Variants in SDK1 observed in about 807,000 individuals in gnomAD.
SDK1 encodes protein sidekick-1.
SDK1 carries 157 observed loss-of-function variants against 245.5 expected under a neutral mutation model. That is an observed-to-expected ratio of 0.64 (90% CI 0.56 to 0.73). SDK1 has a LOEUF of 0.73. Among genes scored for constraint, SDK1 ranks in the 30% least tolerant of loss-of-function variants. The probability of loss-of-function intolerance (pLI) is 0.00; values close to 1 mark genes in which losing one functional copy is unlikely to be tolerated. For missense variants in SDK1, 3,583 were observed against 3,002.3 expected, an observed-to-expected ratio of 1.19 and a Z score of -4.52; for synonymous variants, 1,647 against 1,278.5, an observed-to-expected ratio of 1.29 and a Z score of -6.15.
chr7:4,121,593 A>G (rs1784069319), intron 25 of SDK1, among the ~76,000 whole-genome samples: 1 of 152,066 alleles, frequency 6.6e-6, no homozygotes, highest in African/African-American at 2.4e-5. Context: ...TTTATAAACT[A>G]CCCAGTATTG....
At chr7:3,391,077 C>T (rs1781737018) in intron 1 of SDK1, among the ~76,000 whole-genome samples, 1 of 151,986 alleles carries the variant, frequency 6.6e-6, no homozygotes, top group Admixed American at 6.6e-5. Flanking sequence ...CCTTTTATAC[C>T]AGGTCACATT....
In SDK1 at chr7:4,060,611, A is replaced by G. The variant is rs1231865434; in HGVS notation, c.2912-7227A>G. Among the ~76,000 whole-genome samples, 11 of 152,042 alleles carry G rather than the reference A, an allele frequency of 7.2e-5. No individual in the cohort carries two copies. In the South Asian group the frequency reaches 2.3e-3, roughly 32 times the overall value. On this transcript the variant is annotated intron_variant, in intron 19 of 44. Coordinates refer to ENST00000404826, the MANE Select transcript of SDK1 (RefSeq NM_152744.4). The stretch of plus-strand genomic sequence containing the variant: ...TAGGTTGCCTGTTCACTCTGATGGT[A>G]GTTTCTTTTGCTGTGCAGAAGCTCT...
intron 4 of SDK1, among the ~76,000 whole-genome samples, chr7:3,820,201 G>A (rs1583447874): frequency 6.6e-6 from 1 of 152,124 alleles, no homozygotes; most frequent in African/African-American, 2.4e-5. Flanking sequence ...CCAGGCTGGG[G>A]TGTGGCGGCG....
At chr7:3,628,852 C>A (rs956278337) in intron 2 of SDK1, among the ~76,000 whole-genome samples, 3 of 152,160 alleles carry the variant, frequency 2.0e-5, no homozygotes, top group African/African-American at 7.2e-5. Context: ...TATGTTTGCC[C>A]TCTGCTTACT....
rs183815024 is a variant in SDK1, at chr7:3,316,740, C to T, written c.298+14856C>T. On this transcript the variant is annotated intron_variant, in intron 1 of 44. Transcript: ENST00000404826. ...TATGGAGCTCTACAAATCACTGCAG[C>T]GTGGAACTGGTTCTTGCCCATCCCG... 3.5e-4 allele frequency among the ~76,000 whole-genome samples: 54 copies of T among 152,224 alleles called. 1 individual carries two copies. The East Asian group carries it at 6.9e-3, about 20-fold the overall frequency.
chr7:3,834,601 C>T (rs1350109574), intron 5 of SDK1, among the ~76,000 whole-genome samples: 4 of 152,170 alleles, frequency 2.6e-5, no homozygotes, highest in Non-Finnish European at 5.9e-5. Context: ...CTGCCATAAC[C>T]ACCGTCCTTT....
chr7:4,125,504 T>C lies in SDK1; in HGVS notation c.3824-1877T>C, dbSNP rs531258063. Among the ~76,000 whole-genome samples the C allele has an allele frequency of 1.1e-4, 17 of 151,450 alleles. No homozygotes were observed. The South Asian group carries it at 3.6e-3, about 32-fold the overall frequency. On this transcript the variant is annotated intron_variant, in intron 25 of 44. Coordinates refer to ENST00000404826, the MANE Select transcript of SDK1 (RefSeq NM_152744.4). ...ATGGATTGATTGATGGATGGATGGA[T>C]GGATGGATGGAGATGGATGGATGGT...
intron 5 of SDK1, among the ~76,000 whole-genome samples, chr7:3,943,147 G>A (rs1029447700): frequency 6.6e-6 from 1 of 152,146 alleles, no homozygotes; most frequent in Non-Finnish European, 1.5e-5. Context: ...TGCTCTCTCC[G>A]ATATTCTGGA....
intron 1 of SDK1, among the ~76,000 whole-genome samples, chr7:3,416,460 G>A (rs1028915188): frequency 2.2e-5 from 3 of 133,744 alleles, no homozygotes; most frequent in Non-Finnish European, 4.7e-5. Flanking sequence ...CATGGCTTTC[G>A]TTCTTTTTTT....
At chr7:3,853,146 G>GA (rs111391620) in intron 5 of SDK1, among the ~76,000 whole-genome samples, 4,361 of 146,472 alleles carry the variant, frequency 0.03, 220 homozygotes, top group African/African-American at 0.1. Context: ...ACACTTGGTT[G>GA]AAAAAAAAAA....
At chr7:3,370,025 A>G (rs1187608998) in intron 1 of SDK1, among the ~76,000 whole-genome samples, 2 of 152,244 alleles carry the variant, frequency 1.3e-5, no homozygotes, top group Non-Finnish European at 2.9e-5. Flanking sequence ...TTTAAAATGT[A>G]TCATTACTGT....
At chr7:3,809,707 G>T (rs1465490793) in intron 4 of SDK1, among the ~76,000 whole-genome samples, 1 of 152,192 alleles carries the variant, frequency 6.6e-6, no homozygotes, top group Non-Finnish European at 1.5e-5. Context: ...AGCGGCTGCT[G>T]CGTATGCTTG....
intron 4 of SDK1, among the ~76,000 whole-genome samples, chr7:3,800,856 C>T (rs897194729): frequency 3.9e-5 from 6 of 152,108 alleles, no homozygotes; most frequent in Admixed American, 1.3e-4. Flanking sequence ...ATTGGAAGCC[C>T]GGGTATACCA....
chr7:3,678,378 CA>C (rs1783974866), intron 4 of SDK1, among the ~76,000 whole-genome samples: 1 of 152,216 alleles, frequency 6.6e-6, no homozygotes, highest in South Asian at 2.1e-4. Context: ...AAGTGTCCAT[CA>C]GCAGATGAAT....
rs151217632 is a variant in SDK1 at position 4,098,969 on chromosome 7, G to A, written c.3325-11694G>A. On this transcript the variant is annotated intron_variant, in intron 22 of 44. Coordinates refer to ENST00000404826, the MANE Select transcript of SDK1 (RefSeq NM_152744.4). Reference sequence around the variant, plus strand: ...ATTACAGGTGTGAGCTACTGTGCCCGGCCACAAATGTAGTCTAAATTTTGG... The same window carrying A: ...ATTACAGGTGTGAGCTACTGTGCCCAGCCACAAATGTAGTCTAAATTTTGG... 6.7e-3 allele frequency among the ~76,000 whole-genome samples: 1,021 copies of A among 151,348 alleles called. 11 individuals are homozygous for A. Among genetic ancestry groups the A allele is most frequent in the African/African-American group, 0.012 (513 of 41,230 alleles).
At chr7:4,139,475 G>GTA (rs1184977372) in intron 28 of SDK1, among the ~76,000 whole-genome samples, 6 of 135,116 alleles carry the variant, frequency 4.4e-5, no homozygotes, top group Non-Finnish European at 7.6e-5. Flanking sequence ...ATATGTGTGT[G>GTA]TATATGTGTG....
chr7:3,611,494 G>T (rs1781586935), intron 1 of SDK1, among the ~76,000 whole-genome samples: 1 of 152,126 alleles, frequency 6.6e-6, no homozygotes, highest in Admixed American at 6.5e-5. Context: ...GCAGATAGAG[G>T]ACTTTGTCCT....
chr7:3,786,471 G>C (rs183201783), intron 4 of SDK1, among the ~76,000 whole-genome samples: 97 of 152,228 alleles, frequency 6.4e-4, no homozygotes, highest in African/African-American at 2.2e-3. Context: ...CCTAGCAACG[G>C]TCATACATTG....
chr7:3,729,383 C>G (rs532629821), intron 4 of SDK1, among the ~76,000 whole-genome samples: 2 of 152,086 alleles, frequency 1.3e-5, no homozygotes, highest in Non-Finnish European at 2.9e-5. Flanking sequence ...GACTATTGGT[C>G]GAGGGGGAGG....
Sources: allele counts gnomAD v4.1 joint callset (sites outside exome capture counted in the v4.1 genomes callset), GRCh38; gene constraint gnomAD v4.1.1; transcripts MANE v1.5; gene names NCBI Gene and HGNC (gene_info 2026-07-23, HGNC 2026-07-21).